Variants in AKAP13 observed in about 807,000 individuals in gnomAD.
AKAP13 encodes the protein A-kinase anchor protein 13.
A neutral mutation model predicts 264.5 loss-of-function variants in AKAP13; 80 were observed. The ratio of observed to expected loss-of-function variants is 0.30; its 90% CI spans 0.25 to 0.36. The LOEUF (loss-of-function observed/expected upper bound fraction) is 0.36, where lower values mean the gene tolerates loss of function less well. Ranked by LOEUF, AKAP13 falls within the 10% of genes least tolerant of loss-of-function variation. AKAP13 has a pLI of 1.00. For missense variants in AKAP13, 3,712 were observed against 3,435.2 expected, an observed-to-expected ratio of 1.08 and a Z score of -2.01; for synonymous variants, 1,380 against 1,250.2, an observed-to-expected ratio of 1.10 and a Z score of -2.19.
At chr15:85,467,244 T>C (rs1332110150) in intron 1 of AKAP13, among the ~76,000 whole-genome samples, 1 of 152,214 alleles carries the variant, frequency 6.6e-6, no homozygotes, top group Non-Finnish European at 1.5e-5. Flanking sequence ...TGTAGTTGAT[T>C]CTAAATATAG....
chr15:85,714,391 A>T (rs1028404580), intron 19 of AKAP13, among the ~76,000 whole-genome samples: 1 of 152,212 alleles, frequency 6.6e-6, no homozygotes, highest in African/African-American at 2.4e-5. Context: ...ATGTAGTTCA[A>T]ACCCATGTTG....
intron 1 of AKAP13, among the ~76,000 whole-genome samples, chr15:85,430,280 A>G (rs145119674): frequency 3.8e-4 from 58 of 152,166 alleles, no homozygotes; most frequent in African/African-American, 1.3e-3. Context: ...GTTGAATACA[A>G]CCTCTTCTTG....
chr15:85,431,802 G>GT (rs2073034311), intron 1 of AKAP13, among the ~76,000 whole-genome samples: 1 of 152,160 alleles, frequency 6.6e-6, no homozygotes, highest in Non-Finnish European at 1.5e-5. Flanking sequence ...CAATTAGATG[G>GT]TAAAAAAATG....
chr15:85,538,409 T>C (rs2077471922), intron 4 of AKAP13, among the ~76,000 whole-genome samples: 1 of 152,168 alleles, frequency 6.6e-6, no homozygotes, highest in Non-Finnish European at 1.5e-5. Context: ...ATACATCTGA[T>C]ATTGGTTAAT....
At chr15:85,624,610 TG>T (rs2081330512) in intron 8 of AKAP13, 2 of 152,234 alleles carry the variant, frequency 1.3e-5, no homozygotes. Flanking sequence ...GTCCGGATGG[TG>T]GGTTTTTGCT....
Position 85,724,344 on chromosome 15 carries a change from T to G in AKAP13, c.6745+1024T>G, listed in dbSNP as rs1017192717. ...TTGGAAAGAGATACCTGCTCTACAGTGTGGTGAGTGCTGGAATGGAGGAGA... is the reference window on the plus strand; with the variant it reads ...TTGGAAAGAGATACCTGCTCTACAGGGTGGTGAGTGCTGGAATGGAGGAGA... On this transcript the variant is annotated intron_variant, in intron 26 of 36. Coordinates refer to ENST00000394518, the MANE Select transcript of AKAP13 (RefSeq NM_007200.5). The surrounding 1 kb of genome is among the most constrained non-coding windows in gnomAD (Gnocchi z 4.2). Among the ~76,000 whole-genome samples, 1 of 151,862 alleles carries G rather than the reference T, an allele frequency of 6.6e-6. No homozygotes were observed. Among genetic ancestry groups the G allele is most frequent in the Non-Finnish European group, 1.5e-5 (1 of 67,986 alleles).
At chr15:85,503,334 C>G (rs1158099436) in intron 2 of AKAP13, among the ~76,000 whole-genome samples, 1 of 152,172 alleles carries the variant, frequency 6.6e-6, no homozygotes, top group Admixed American at 6.5e-5. Flanking sequence ...CAGCTGGTAA[C>G]AAGGGAAGCT....
At chr15:85,478,846 C>T (rs1445057183) in intron 1 of AKAP13, among the ~76,000 whole-genome samples, 1 of 73,156 alleles carries the variant, frequency 1.4e-5, no homozygotes, top group African/African-American at 7.5e-5. Flanking sequence ...GTCTTAACAT[C>T]ATTTCCCGAA....
chr15:85,389,605 C>T (rs755977083), intron 1 of AKAP13, among the ~76,000 whole-genome samples: 4 of 152,210 alleles, frequency 2.6e-5, no homozygotes, highest in Non-Finnish European at 5.9e-5. Context: ...ACAGGATTCT[C>T]AAAATCTTTG....
intron 1 of AKAP13, among the ~76,000 whole-genome samples, chr15:85,410,813 A>G (rs372669336): frequency 6.6e-6 from 1 of 151,674 alleles, no homozygotes; most frequent in East Asian, 1.9e-4. Flanking sequence ...TCTCAGAATG[A>G]TTATGGCATT....
intron 1 of AKAP13, among the ~76,000 whole-genome samples, chr15:85,392,622 A>G (rs948878301): frequency 6.6e-6 from 1 of 151,952 alleles, no homozygotes; most frequent in Non-Finnish European, 1.5e-5. Flanking sequence ...CCTAGGCTGG[A>G]CTTGAACTCT....
intron 2 of AKAP13, among the ~76,000 whole-genome samples, chr15:85,519,277 A>C (rs1268581370): frequency 6.6e-6 from 1 of 152,156 alleles, no homozygotes; most frequent in Non-Finnish European, 1.5e-5. Flanking sequence ...AATTTCATGT[A>C]ATTTTCACAT....
intron 5 of AKAP13, among the ~76,000 whole-genome samples, chr15:85,552,906 T>C (rs2078012192): frequency 6.6e-6 from 1 of 152,186 alleles, no homozygotes; most frequent in Non-Finnish European, 1.5e-5. Context: ...GTTGACATTC[T>C]GCTCTTAATT....
chr15:85,523,091 A>T (rs758807464), intron 3 of AKAP13, among the ~76,000 whole-genome samples: 8 of 151,990 alleles, frequency 5.3e-5, no homozygotes, highest in Non-Finnish European at 7.4e-5. Flanking sequence ...AATGCAGAGT[A>T]AGGCAACACT....
chr15:85,381,283 C>G (rs549193215), intron 1 of AKAP13, among the ~76,000 whole-genome samples: 11 of 152,098 alleles, frequency 7.2e-5, no homozygotes, highest in African/African-American at 2.6e-4. Flanking sequence ...GAGGGAGCGG[C>G]TCCCCGGGGT....
At chr15:85,658,945 C>CT (rs145057330) in intron 12 of AKAP13, among the ~76,000 whole-genome samples, 387 of 151,314 alleles carry the variant, frequency 2.6e-3, no homozygotes, top group African/African-American at 8.8e-3. Flanking sequence ...CTGGGGAGTA[C>CT]TTTTTTTTTC....
intron 11 of AKAP13, among the ~76,000 whole-genome samples, chr15:85,658,203 T>C (rs193059435): frequency 2.0e-5 from 3 of 152,222 alleles, no homozygotes; most frequent in African/African-American, 7.2e-5. Flanking sequence ...TACCTGCATG[T>C]AGTATAACCT....
intron 2 of AKAP13, among the ~76,000 whole-genome samples, chr15:85,495,378 G>A (rs1596333815): frequency 6.6e-6 from 1 of 152,126 alleles, no homozygotes; most frequent in African/African-American, 2.4e-5. Context: ...CACTGACTCA[G>A]ATGGCTTGTA....
intron 3 of AKAP13, among the ~76,000 whole-genome samples, chr15:85,527,478 T>C (rs538702454): frequency 6.6e-6 from 1 of 152,120 alleles, no homozygotes; most frequent in African/African-American, 2.4e-5. Context: ...AAGTGAGGAG[T>C]GAGTAGAGAA....
Sources: allele counts gnomAD v4.1 joint callset (sites outside exome capture counted in the v4.1 genomes callset), GRCh38; gene constraint gnomAD v4.1.1; non-coding constraint Gnocchi (gnomAD v3.1); transcripts MANE v1.5; gene names NCBI Gene and HGNC (gene_info 2026-07-23, HGNC 2026-07-21).